ZBTB20: variants seen among roughly 807,000 people sequenced by gnomAD.
The protein encoded by ZBTB20 is zinc finger and BTB domain-containing protein 20.
Under a neutral mutation model 56.9 loss-of-function variants are expected in ZBTB20, and 9 were observed. The ratio of observed to expected loss-of-function variants is 0.16; its 90% CI spans 0.10 to 0.28. The LOEUF (loss-of-function observed/expected upper bound fraction) is 0.28. ZBTB20 is among the 10% of genes least tolerant of loss of function. ZBTB20 has a pLI of 1.00. For synonymous variants in ZBTB20, 417 were observed against 420.7 expected (o/e 0.99, Z 0.11); for missense variants, 655 against 1,003.0 (o/e 0.65, Z 4.69).
chr3:115,094,914 A>G (rs761652979), intron 1 of ZBTB20, among the ~76,000 whole-genome samples: 13 of 152,014 alleles, frequency 8.6e-5, no homozygotes, highest in Non-Finnish European at 1.6e-4. Context: ...GTTACAACCA[A>G]TTGGGCATCT....
At chr3:114,914,722 GT>G (rs1157167380) in intron 3 of ZBTB20, among the ~76,000 whole-genome samples, 2 of 151,660 alleles carry the variant, frequency 1.3e-5, no homozygotes, top group Non-Finnish European at 2.9e-5. Context: ...CTTTTATTAT[GT>G]TGAGATATGT....
chr3:114,717,818 T>G (rs2064599770), intron 5 of ZBTB20, among the ~76,000 whole-genome samples: 2 of 69,408 alleles, frequency 2.9e-5, no homozygotes, highest in Middle Eastern at 6.0e-3. Flanking sequence ...TTAATTTTCA[T>G]CTGACTCAAC....
intron 6 of ZBTB20, among the ~76,000 whole-genome samples, chr3:114,515,857 A>C (rs752788703): frequency 6.6e-6 from 1 of 152,212 alleles, no homozygotes; most frequent in Non-Finnish European, 1.5e-5. Context: ...TAACAACAAT[A>C]ACAATGATAA....
chr3:114,713,310 A>G (rs937527995), intron 5 of ZBTB20, among the ~76,000 whole-genome samples: 2 of 152,016 alleles, frequency 1.3e-5, no homozygotes, highest in Non-Finnish European at 2.9e-5. Flanking sequence ...GTTTTTTACA[A>G]CTCCAAGTGT....
intron 5 of ZBTB20, among the ~76,000 whole-genome samples, chr3:114,779,066 A>T (rs1002201300): frequency 6.6e-6 from 1 of 152,064 alleles, no homozygotes; most frequent in Admixed American, 6.6e-5. Flanking sequence ...TACCAGGGGG[A>T]CTCAAGGCAG....
intron 5 of ZBTB20, among the ~76,000 whole-genome samples, chr3:114,718,016 T>C (rs758490692): frequency 1.3e-5 from 2 of 152,148 alleles, no homozygotes; most frequent in Non-Finnish European, 2.9e-5. Flanking sequence ...AAACACAGTA[T>C]ATTTGGAAAA....
chr3:114,882,723 T>C (rs2076443447), intron 4 of ZBTB20, among the ~76,000 whole-genome samples: 1 of 152,238 alleles, frequency 6.6e-6, no homozygotes, highest in African/African-American at 2.4e-5. Flanking sequence ...TATGATTCCC[T>C]TTCTGTTTTT....
At chr3:114,797,451 C>T (rs1244330888) in intron 5 of ZBTB20, among the ~76,000 whole-genome samples, 1 of 151,806 alleles carries the variant, frequency 6.6e-6, no homozygotes, top group Non-Finnish European at 1.5e-5. Flanking sequence ...AGGCTTCTTG[C>T]TAGTATCACA....
At chr3:114,730,872 A>T (rs2065685297) in intron 5 of ZBTB20, among the ~76,000 whole-genome samples, 1 of 152,202 alleles carries the variant, frequency 6.6e-6, no homozygotes, top group Non-Finnish European at 1.5e-5. Flanking sequence ...ACTTAAAGCC[A>T]ATTTATAGGT....
chr3:114,915,395 A>G (rs1217462627), intron 3 of ZBTB20, among the ~76,000 whole-genome samples: 1 of 151,704 alleles, frequency 6.6e-6, no homozygotes, highest in African/African-American at 2.4e-5. Flanking sequence ...TGGTCTTTTG[A>G]ATTTCTGTAG....
chr3:114,650,613 T>C (rs1282495977), intron 6 of ZBTB20, among the ~76,000 whole-genome samples: 1 of 151,948 alleles, frequency 6.6e-6, no homozygotes, highest in South Asian at 2.1e-4. Flanking sequence ...CTATTACCAG[T>C]AGGCTTTTTA....
chr3:114,431,121 A>G (rs2090090089), intron 7 of ZBTB20, among the ~76,000 whole-genome samples: 1 of 152,192 alleles, frequency 6.6e-6, no homozygotes, highest in Admixed American at 6.5e-5. Flanking sequence ...AAGAAAACGA[A>G]AAACAGAAAA....
chr3:114,859,271 TCTTC>T (rs570684255), intron 4 of ZBTB20, among the ~76,000 whole-genome samples: 2,993 of 23,426 alleles, frequency 0.13, 67 homozygotes, highest in South Asian at 0.24. Context: ...TTCCTTCCAT[TCTTC>T]CTTCCTTCCT....
chr3:114,584,048 C>G (rs116667320), intron 6 of ZBTB20, among the ~76,000 whole-genome samples: 405 of 152,290 alleles, frequency 2.7e-3, no homozygotes, highest in African/African-American at 9.4e-3. Context: ...AAACTCCTTT[C>G]TAGCCCTAAA....
At chr3:114,403,513 C>T (rs568177358) in intron 7 of ZBTB20, among the ~76,000 whole-genome samples, 1 of 151,922 alleles carries the variant, frequency 6.6e-6, no homozygotes, top group Non-Finnish European at 1.5e-5. Context: ...CAACAAATAT[C>T]TGGAACTCTA....
chr3:114,851,818 C>T (rs1387723151), intron 4 of ZBTB20, among the ~76,000 whole-genome samples: 2 of 151,872 alleles, frequency 1.3e-5, no homozygotes, highest in African/African-American at 4.8e-5. Flanking sequence ...GATATTCCTC[C>T]GAACACTGTT....
intron 3 of ZBTB20, among the ~76,000 whole-genome samples, chr3:114,953,350 G>T (rs1393711235): frequency 6.6e-6 from 1 of 150,638 alleles, no homozygotes; most frequent in Non-Finnish European, 1.5e-5. Context: ...AATATAAAAT[G>T]AAAGACATTA....
At chr3:114,505,996 A>G (rs1381171289) in intron 6 of ZBTB20, among the ~76,000 whole-genome samples, 1 of 152,104 alleles carries the variant, frequency 6.6e-6, no homozygotes, top group Non-Finnish European at 1.5e-5. Flanking sequence ...ATGCAAGGGT[A>G]TTTATATGTG....
chr3:114,598,977 G>GA (rs397876242), intron 6 of ZBTB20, among the ~76,000 whole-genome samples: 3 of 151,958 alleles, frequency 2.0e-5, no homozygotes, highest in Non-Finnish European at 4.4e-5. Context: ...AACGGGGGGG[G>GA]ACCCAAAACA....
Sources: allele counts gnomAD v4.1 joint callset (sites outside exome capture counted in the v4.1 genomes callset), GRCh38; gene constraint gnomAD v4.1.1; transcripts MANE v1.5; gene names NCBI Gene and HGNC (gene_info 2026-07-23, HGNC 2026-07-21).